Variants in AUH observed in about 807,000 individuals in gnomAD.
AUH encodes the protein methylglutaconyl-CoA hydratase, mitochondrial.
Under a neutral mutation model 42.3 loss-of-function variants are expected in AUH, and 29 were observed. That is an observed-to-expected ratio of 0.69 (90% CI 0.51 to 0.93). The LOEUF (loss-of-function observed/expected upper bound fraction) is 0.93. Ranked by LOEUF, AUH falls within the 40% of genes least tolerant of loss-of-function variation. The pLI, the probability that AUH is intolerant of heterozygous loss-of-function variation, is 0.00. For synonymous variants in AUH, 174 were observed against 166.4 expected, an observed-to-expected ratio of 1.05 and a Z score of -0.35; for missense variants, 452 against 438.1, an observed-to-expected ratio of 1.03 and a Z score of -0.28.
intron 6 of AUH, among the ~76,000 whole-genome samples, chr9:91,227,393 C>T (rs1442295876): frequency 4.9e-5 from 6 of 122,564 alleles, no homozygotes; most frequent in African/African-American, 1.2e-4. Context: ...GATTTTTGCA[C>T]ATTGATTTTG....
intron 4 of AUH, among the ~76,000 whole-genome samples, chr9:91,322,698 T>C (rs1249568175): frequency 6.6e-6 from 1 of 152,086 alleles, no homozygotes; most frequent in Non-Finnish European, 1.5e-5. Context: ...TGAAGACAAA[T>C]AACCTTCACA....
At chr9:91,347,720 T>C (rs114165821) in intron 3 of AUH, among the ~76,000 whole-genome samples, 3,836 of 152,008 alleles carry the variant, frequency 0.025, 77 homozygotes, top group East Asian at 0.066. Context: ...GTCCTAAATA[T>C]AAGATATAAA....
At chr9:91,252,280 G>A (rs1287339414) in intron 6 of AUH, among the ~76,000 whole-genome samples, 1 of 151,272 alleles carries the variant, frequency 6.6e-6, no homozygotes, top group East Asian at 1.9e-4. Context: ...TTTTTTTTTA[G>A]GAAAAAAGTA....
intron 1 of AUH, among the ~76,000 whole-genome samples, chr9:91,357,990 TC>T (rs1832562602): frequency 6.6e-6 from 1 of 152,082 alleles, no homozygotes; most frequent in South Asian, 2.1e-4. Flanking sequence ...TACTTGGAGA[TC>T]ATACCAGAAG....
rs1034880125 is a variant in AUH at position 91,292,333 on chromosome 9, C to A, written c.655+3688G>T. On this transcript the variant is annotated intron_variant, in intron 6 of 9. Transcript: ENST00000375731. ...CTCTGTCACCCAGGCTGCTGGAGTG[C>A]GGTGGTGTGATCTCGGCTCACTGCA... Among the ~76,000 whole-genome samples, 4 of 147,052 alleles carry A rather than the reference C, an allele frequency of 2.7e-5. No individual in the cohort carries two copies. The South Asian group carries it at 8.5e-4, about 31-fold the overall frequency.
intron 6 of AUH, among the ~76,000 whole-genome samples, chr9:91,243,887 T>C (rs1828650504): frequency 6.6e-6 from 1 of 152,206 alleles, no homozygotes; most frequent in Non-Finnish European, 1.5e-5. Flanking sequence ...TCAAACACTC[T>C]GTAAAAGGAC....
intron 4 of AUH, among the ~76,000 whole-genome samples, chr9:91,312,214 T>A (rs890336188): frequency 1.1e-4 from 16 of 152,160 alleles, no homozygotes; most frequent in African/African-American, 3.9e-4. Flanking sequence ...AAACTCTCTT[T>A]CATTAAAAAC....
intron 1 of AUH, among the ~76,000 whole-genome samples, chr9:91,357,268 C>G (rs955196399): frequency 1.6e-4 from 24 of 152,220 alleles, no homozygotes; most frequent in Non-Finnish European, 5.9e-5. Context: ...ATCCCCACCA[C>G]AACCCAAGAG....
rs529699897 is a variant in AUH at position 91,351,494 on chromosome 9, A to G, written c.418+4389T>C. ...AGTCACTTAAAGAGAACATCCTGGT[A>G]GAGTCCTTAGAAAATTTCATCCTTG... On this transcript the variant is annotated intron_variant, in intron 3 of 9. Transcript: ENST00000375731. Among the ~76,000 whole-genome samples the G allele has an allele frequency of 2.0e-5, 3 of 152,352 alleles. No homozygotes were observed. The South Asian group carries it at 6.2e-4, about 32-fold the overall frequency.
intron 6 of AUH, among the ~76,000 whole-genome samples, chr9:91,234,528 A>C (rs1224119717): frequency 6.6e-6 from 1 of 152,178 alleles, no homozygotes; most frequent in Non-Finnish European, 1.5e-5. Flanking sequence ...ACTCTCCAAA[A>C]AGACGAATCA....
At chr9:91,229,012 G>GA (rs564351363) in intron 6 of AUH, among the ~76,000 whole-genome samples, 15,357 of 151,606 alleles carry the variant, frequency 0.1, 826 homozygotes, top group African/African-American at 0.13. Flanking sequence ...GTGTGGTGCT[G>GA]AAAAAAATGT....
At chr9:91,217,605 G>T (rs1826898174) in intron 7 of AUH, among the ~76,000 whole-genome samples, 1 of 152,192 alleles carries the variant, frequency 6.6e-6, no homozygotes, top group African/African-American at 2.4e-5. Flanking sequence ...CTGTGAGCTT[G>T]CTGTTCTTCA....
intron 6 of AUH, among the ~76,000 whole-genome samples, chr9:91,282,083 G>C (rs1032174328): frequency 3.3e-5 from 5 of 152,134 alleles, no homozygotes; most frequent in Non-Finnish European, 5.9e-5. Flanking sequence ...TTCTCTGACA[G>C]TATCTCCTAT....
intron 6 of AUH, among the ~76,000 whole-genome samples, chr9:91,232,106 G>C (rs1827920522): frequency 6.6e-6 from 1 of 152,170 alleles, no homozygotes; most frequent in African/African-American, 2.4e-5. Flanking sequence ...CTATGGCCAG[G>C]CATGGTGGTG....
chr9:91,342,940 C>A (rs1831214169), intron 3 of AUH: 1 of 152,152 alleles, frequency 6.6e-6, no homozygotes. Flanking sequence ...GTGTGATGAC[C>A]CACTTCCACT....
intron 6 of AUH, among the ~76,000 whole-genome samples, chr9:91,228,507 C>T (rs1372616766): frequency 6.7e-6 from 1 of 148,636 alleles, no homozygotes; most frequent in African/African-American, 2.5e-5. Context: ...AAAACCAGCT[C>T]CTGGATTCAT....
At chr9:91,291,242 T>A (rs1826855491) in intron 6 of AUH, among the ~76,000 whole-genome samples, 1 of 152,078 alleles carries the variant, frequency 6.6e-6, no homozygotes, top group South Asian at 2.1e-4. Flanking sequence ...GATGATCTCA[T>A]CTTGAGATCC....
At chr9:91,327,555 T>C (rs980768478) in intron 3 of AUH, among the ~76,000 whole-genome samples, 4 of 152,164 alleles carry the variant, frequency 2.6e-5, no homozygotes, top group African/African-American at 9.7e-5. Context: ...GCTTTCCTTA[T>C]GTCACTCAAT....
At chr9:91,257,064 A>G (rs1829441540) in intron 6 of AUH, among the ~76,000 whole-genome samples, 1 of 152,148 alleles carries the variant, frequency 6.6e-6, no homozygotes, top group African/African-American at 2.4e-5. Flanking sequence ...AATGTTCTCC[A>G]GTTCACATTG....
Sources: allele counts gnomAD v4.1 joint callset (sites outside exome capture counted in the v4.1 genomes callset), GRCh38; gene constraint gnomAD v4.1.1; transcripts MANE v1.5; gene names NCBI Gene and HGNC (gene_info 2026-07-23, HGNC 2026-07-21).